ANK3: variants seen among roughly 807,000 people sequenced by gnomAD.
ANK3 encodes ankyrin-3.
In ANK3, 57 loss-of-function variants were observed where a neutral mutation model predicts 370.9. The observed-to-expected ratio is 0.15, with a 90% CI of 0.12 to 0.19. The LOEUF (loss-of-function observed/expected upper bound fraction) is 0.19, where lower values mean the gene tolerates loss of function less well. Ranked by LOEUF, ANK3 falls within the 10% of genes least tolerant of loss-of-function variation. The pLI is 1.00. For synonymous variants in ANK3, 1,929 were observed against 1,946.3 expected (o/e 0.99, Z 0.23); for missense variants, 4,439 against 5,302.1 (o/e 0.84, Z 5.06).
chr10:60,318,206 T>C (rs1354500739), intron 1 of ANK3, among the ~76,000 whole-genome samples: 1 of 152,164 alleles, frequency 6.6e-6, no homozygotes, highest in African/African-American at 2.4e-5. Context: ...CATCACCTAG[T>C]TATTAAGCCT....
intron 2 of ANK3, among the ~76,000 whole-genome samples, chr10:60,431,856 T>C (rs1001821224): frequency 1.3e-5 from 2 of 152,212 alleles, no homozygotes; most frequent in African/African-American, 2.4e-5. Context: ...CATTCAGCCA[T>C]ATACATCTAA....
intron 28 of ANK3, among the ~76,000 whole-genome samples, chr10:60,095,971 C>G (rs1379274475): frequency 6.6e-6 from 1 of 152,038 alleles, no homozygotes; most frequent in African/African-American, 2.4e-5. Flanking sequence ...ATCAGGAGTT[C>G]AAGACCAGTG....
chr10:60,423,810 C>T (rs1380075352), intron 2 of ANK3, among the ~76,000 whole-genome samples: 1 of 152,018 alleles, frequency 6.6e-6, no homozygotes, highest in Non-Finnish European at 1.5e-5. Context: ...ATACACTGAT[C>T]TAAATTTGGT....
chr10:60,280,029 C>T (rs7911285), intron 1 of ANK3, among the ~76,000 whole-genome samples: 1 of 152,136 alleles, frequency 6.6e-6, no homozygotes, highest in Non-Finnish European at 1.5e-5. Flanking sequence ...ATATCTACCA[C>T]AGCAATTTTT....
At chr10:60,195,993 A>G in intron 16 of ANK3, 152 bp downstream of exon 16, 2 of 623,486 alleles carry the variant, frequency 3.2e-6, no homozygotes, top group Admixed American at 5.9e-5. Context: ...TAAATCACTG[A>G]AGGCACAGAT....
chr10:60,527,936 G>A (rs546855824), intron 2 of ANK3, among the ~76,000 whole-genome samples: 9 of 152,030 alleles, frequency 5.9e-5, no homozygotes, highest in Non-Finnish European at 1.3e-4. Flanking sequence ...CTGCTCCAAA[G>A]AGCAAGTAGG....
intron 2 of ANK3, among the ~76,000 whole-genome samples, chr10:60,495,922 T>C (rs1412628776): frequency 6.6e-6 from 1 of 152,172 alleles, no homozygotes; most frequent in Non-Finnish European, 1.5e-5. Flanking sequence ...ATAAGTGTTC[T>C]TATAGCTGAT....
intron 2 of ANK3, among the ~76,000 whole-genome samples, chr10:60,550,381 T>C (rs528912405): frequency 2.6e-4 from 39 of 151,996 alleles, no homozygotes; most frequent in Admixed American, 7.9e-4. Context: ...TACAAATGTA[T>C]CTTGAAATTT....
intron 23 of ANK3, among the ~76,000 whole-genome samples, chr10:60,141,561 G>GGTT (rs1554993126): frequency 4.1e-5 from 2 of 49,044 alleles, no homozygotes; most frequent in Admixed American, 5.2e-4. Context: ...TTCAATTGCT[G>GGTT]TTTTTTTTTT....
At chr10:60,262,645 C>T (rs1181576020) in intron 6 of ANK3, among the ~76,000 whole-genome samples, 3 of 152,184 alleles carry the variant, frequency 2.0e-5, no homozygotes, top group Admixed American at 6.5e-5. Context: ...TGTTAGCAAG[C>T]TTCTTAGCCA....
intron 1 of ANK3, among the ~76,000 whole-genome samples, chr10:60,710,801 G>A (rs1313719297): frequency 1.3e-5 from 2 of 152,170 alleles, no homozygotes; most frequent in Non-Finnish European, 2.9e-5. Flanking sequence ...AGGCCAGAGA[G>A]CCACTGGTGC....
intron 1 of ANK3, among the ~76,000 whole-genome samples, chr10:60,627,008 G>A (rs143703645): frequency 0.013 from 1,936 of 152,182 alleles, 26 homozygotes; most frequent in Middle Eastern, 0.027. Context: ...GAGGGAGAAA[G>A]AGAACAGAGC....
chr10:60,166,551 G>A, intron 23 of ANK3, 40 bp downstream of exon 23: 4 of 1,443,146 alleles, frequency 2.8e-6, no homozygotes, highest in Non-Finnish European at 3.9e-6. Context: ...GATAAAGTTG[G>A]TAGTAGTTAA....
chr10:60,538,138 G>T (rs1285581519), intron 2 of ANK3, among the ~76,000 whole-genome samples: 1 of 151,838 alleles, frequency 6.6e-6, no homozygotes, highest in Non-Finnish European at 1.5e-5. Flanking sequence ...TTTGGGTTGG[G>T]TCATATGTCC....
At chr10:60,183,075 T>G (rs2096241709) in intron 17 of ANK3, among the ~76,000 whole-genome samples, 1 of 152,212 alleles carries the variant, frequency 6.6e-6, no homozygotes, top group South Asian at 2.1e-4. Context: ...TGTCCCCTCA[T>G]GCTCCCATGT....
chr10:60,472,763 A>G (rs188412802), intron 2 of ANK3, among the ~76,000 whole-genome samples: 24 of 152,322 alleles, frequency 1.6e-4, no homozygotes, highest in Non-Finnish European at 3.1e-4. Flanking sequence ...CCTACTGCTC[A>G]CACATTTCTT....
chr10:60,155,674 C>A (rs998770573), intron 23 of ANK3, among the ~76,000 whole-genome samples: 2 of 152,154 alleles, frequency 1.3e-5, no homozygotes, highest in African/African-American at 4.8e-5. Flanking sequence ...ACTGGAAAGG[C>A]AGACACACCC....
intron 2 of ANK3, among the ~76,000 whole-genome samples, chr10:60,570,116 G>C (rs757201260): frequency 6.6e-6 from 1 of 152,142 alleles, no homozygotes; most frequent in Non-Finnish European, 1.5e-5. Context: ...TCTACTTTTT[G>C]ATATGTATCT....
At chr10:60,092,038 T>C (rs1441343736) in intron 28 of ANK3, among the ~76,000 whole-genome samples, 6 of 152,216 alleles carry the variant, frequency 3.9e-5, no homozygotes. Flanking sequence ...TACGTTTGTA[T>C]ATTTTTATAA....
Sources: gnomAD v4.1 joint callset for allele counts (sites outside exome capture counted in the v4.1 genomes callset) on GRCh38, gnomAD v4.1.1 for gene constraint, MANE v1.5 for transcripts, NCBI Gene and HGNC (gene_info 2026-07-23, HGNC 2026-07-21) for gene names.